CTNNA2: variants seen among roughly 807,000 people sequenced by gnomAD.
CTNNA2 encodes the protein catenin alpha 2, also known as catenin alpha-2.
Under a neutral mutation model 101.0 loss-of-function variants are expected in CTNNA2, and 42 were observed. The observed-to-expected ratio is 0.42, with a 90% CI of 0.32 to 0.54. The LOEUF is 0.54. Among genes scored for constraint, CTNNA2 ranks in the 20% least tolerant of loss-of-function variants. The probability of loss-of-function intolerance (pLI) is 0.14; values close to 1 mark genes in which losing one functional copy is unlikely to be tolerated. For missense variants in CTNNA2, 871 were observed against 1,223.1 expected (o/e 0.71, Z 4.29); for synonymous variants, 450 against 456.4 (o/e 0.99, Z 0.18).
At chr2:80,006,621 A>C (rs1259503093) in intron 7 of CTNNA2, among the ~76,000 whole-genome samples, 1 of 152,142 alleles carries the variant, frequency 6.6e-6, no homozygotes, top group Non-Finnish European at 1.5e-5. Flanking sequence ...CAGCCCGTGC[A>C]AATTTCCACT....
intron 3 of CTNNA2, among the ~76,000 whole-genome samples, chr2:79,756,349 T>C (rs1194059569): frequency 5.3e-5 from 8 of 152,210 alleles, no homozygotes; most frequent in African/African-American, 1.9e-4. Context: ...TCCATGTGCA[T>C]TGATTACTTC....
chr2:80,308,167 G>C (rs913547604), intron 7 of CTNNA2, among the ~76,000 whole-genome samples: 2 of 150,698 alleles, frequency 1.3e-5, no homozygotes, highest in Admixed American at 6.6e-5. Flanking sequence ...TTTTTTTTTT[G>C]GTATGTCATT....
chr2:79,218,815 C>T (rs1674303249), intron 2 of CTNNA2, among the ~76,000 whole-genome samples: 1 of 152,144 alleles, frequency 6.6e-6, no homozygotes, highest in Non-Finnish European at 1.5e-5. Context: ...ATCTTTCAGA[C>T]ATTGTGTAAC....
At chr2:79,763,168 T>C (rs1276212221) in intron 3 of CTNNA2, among the ~76,000 whole-genome samples, 1 of 152,048 alleles carries the variant, frequency 6.6e-6, no homozygotes, top group Non-Finnish European at 1.5e-5. Flanking sequence ...ATCGCTAATA[T>C]TTTTATCTTT....
At chr2:79,644,814 G>A (rs1052845957) in intron 1 of CTNNA2, among the ~76,000 whole-genome samples, 3 of 152,100 alleles carry the variant, frequency 2.0e-5, no homozygotes, top group Non-Finnish European at 4.4e-5. Context: ...CTCCAGAAAT[G>A]GCTGGCTCCT....
At chr2:80,098,578 T>C (rs949556573) in intron 7 of CTNNA2, among the ~76,000 whole-genome samples, 1 of 152,182 alleles carries the variant, frequency 6.6e-6, no homozygotes, top group African/African-American at 2.4e-5. Flanking sequence ...TGCTGCCTTT[T>C]GTTTGTCTGT....
intron 2 of CTNNA2, among the ~76,000 whole-genome samples, chr2:79,674,375 T>C (rs1389954586): frequency 6.6e-6 from 1 of 152,240 alleles, no homozygotes. Flanking sequence ...TCTTTGCTGA[T>C]TGGAGCCACC....
In CTNNA2 at chr2:80,436,632, G is replaced by T. The variant is rs1269087919; in HGVS notation, c.1290+17031G>T. 7.9e-5 allele frequency among the ~76,000 whole-genome samples: 12 copies of T among 152,202 alleles called. No individual in the cohort carries two copies. The East Asian group carries it at 2.3e-3, about 29-fold the overall frequency. Reference sequence around the variant, plus strand: ...AATTTATAAACAGAAGAAACTTATTGCTCACAGTTCCAGAGGCTGGGAGGT... The same window carrying T: ...AATTTATAAACAGAAGAAACTTATTTCTCACAGTTCCAGAGGCTGGGAGGT... On this transcript the variant is annotated intron_variant, in intron 9 of 18. Transcript: ENST00000402739.
At position 80,067,504 on chromosome 2, in the gene CTNNA2, C is replaced by T. The variant is rs910977713; in HGVS notation, c.1056+157707C>T. Among the ~76,000 whole-genome samples, 29 of 152,060 alleles carry T rather than the reference C, an allele frequency of 1.9e-4. No individual in the cohort carries two copies. In the East Asian group the frequency reaches 5.6e-3, roughly 29 times the overall value. ...GATTTGTTTTATCTTTCTTAAAGTA[C>T]GTATACAGAATTTCAAATGTGGATT... On this transcript the variant is annotated intron_variant, in intron 7 of 18. Coordinates refer to ENST00000402739, the MANE Select transcript of CTNNA2 (RefSeq NM_001282597.3).
intron 7 of CTNNA2, among the ~76,000 whole-genome samples, chr2:80,350,422 A>G (rs1317228081): frequency 6.6e-6 from 1 of 152,180 alleles, no homozygotes; most frequent in Admixed American, 6.6e-5. Context: ...CAGATTTCTT[A>G]TGCTTACTGC....
intron 7 of CTNNA2, among the ~76,000 whole-genome samples, chr2:80,061,157 G>GA: frequency 6.6e-6 from 1 of 151,862 alleles, no homozygotes; most frequent in Admixed American, 6.6e-5. Flanking sequence ...GCAAATCTAG[G>GA]AAAAAATAAT....
At chr2:79,333,960 C>T (rs565601167) in intron 3 of CTNNA2, among the ~76,000 whole-genome samples, 2 of 152,102 alleles carry the variant, frequency 1.3e-5, no homozygotes, top group South Asian at 2.1e-4. Context: ...TTAATTGACA[C>T]ATAATAATTA....
At chr2:79,841,902 C>A (rs143477199) in intron 3 of CTNNA2, among the ~76,000 whole-genome samples, 1 of 152,212 alleles carries the variant, frequency 6.6e-6, no homozygotes, top group East Asian at 1.9e-4. Context: ...AACATGATAT[C>A]CATAATATCA....
At chr2:80,055,755 A>T (rs1398506344) in intron 7 of CTNNA2, among the ~76,000 whole-genome samples, 1 of 151,970 alleles carries the variant, frequency 6.6e-6, no homozygotes, top group Non-Finnish European at 1.5e-5. Flanking sequence ...TGAGTTTGTG[A>T]CCCCTAATGC....
intron 9 of CTNNA2, among the ~76,000 whole-genome samples, chr2:80,516,867 G>T (rs78609722): frequency 0.012 from 1,761 of 152,288 alleles, 17 homozygotes; most frequent in Middle Eastern, 0.061. Flanking sequence ...TTTTACTTGA[G>T]TTAAGGCATA....
chr2:79,410,050 T>G (rs1393306415), intron 4 of CTNNA2, among the ~76,000 whole-genome samples: 4 of 149,950 alleles, frequency 2.7e-5, no homozygotes, highest in Non-Finnish European at 4.5e-5. Flanking sequence ...GGTATTTTAT[T>G]CTCTTTGAAG....
intron 7 of CTNNA2, among the ~76,000 whole-genome samples, chr2:80,309,863 A>G (rs1677381410): frequency 7.0e-6 from 1 of 143,112 alleles, no homozygotes; most frequent in African/African-American, 2.6e-5. Context: ...CCCAGCTACC[A>G]CATCTCAAAA....
At chr2:79,643,083 C>T (rs796164446) in intron 1 of CTNNA2, among the ~76,000 whole-genome samples, 5 of 151,968 alleles carry the variant, frequency 3.3e-5, no homozygotes, top group African/African-American at 9.6e-5. Flanking sequence ...CCAAGCTACT[C>T]GGGAGGCTGA....
Position 79,461,494 on chromosome 2 carries a change from C to G in CTNNA2, c.-134-43560C>G, listed in dbSNP as rs1670878657. 2.0e-5 allele frequency among the ~76,000 whole-genome samples: 3 copies of G among 152,080 alleles called. No homozygotes were observed. The South Asian group carries it at 6.2e-4, about 32-fold the overall frequency. On this transcript the variant is annotated intron_variant, in intron 4 of 21. Coordinates refer to the CTNNA2 transcript ENST00000466387. Reference sequence around the variant, plus strand: ...ATTTTCATAGAGTTTACATTGACACCGTGTTTGGGAGTCCTTGAAGAAGCA... The same window carrying G: ...ATTTTCATAGAGTTTACATTGACACGGTGTTTGGGAGTCCTTGAAGAAGCA...
Sources: allele counts gnomAD v4.1 joint callset (sites outside exome capture counted in the v4.1 genomes callset), GRCh38; gene constraint gnomAD v4.1.1; transcripts MANE v1.5; gene names NCBI Gene and HGNC (gene_info 2026-07-23, HGNC 2026-07-21).